CDK18: variants seen among roughly 807,000 people sequenced by gnomAD.
CDK18 encodes cyclin-dependent kinase 18.
CDK18 carries 52 observed loss-of-function variants against 62.0 expected under a neutral mutation model. The ratio of observed to expected loss-of-function variants is 0.84; its 90% confidence interval spans 0.67 to 1.06. CDK18 has a LOEUF of 1.06. Among genes scored for constraint, CDK18 ranks in the 50% least tolerant of loss-of-function variants. The pLI, the probability that CDK18 is intolerant of heterozygous loss-of-function variation, is 0.00. For missense variants in CDK18, 604 were observed against 619.9 expected (o/e 0.97, Z 0.27); for synonymous variants, 237 against 247.0 (o/e 0.96, Z 0.38).
At chr1:205,530,218 C>A (rs774347054) in intron 13 of CDK18, 41 bp from the exon 14 acceptor site, 1 of 1,604,950 alleles carries the variant, frequency 6.2e-7, no homozygotes. Flanking sequence ...GGGTTTGCAG[C>A]CCCCCAGCCG....
rs1668629264 is a variant in CDK18, at chr1:205,529,502, C to A, written c.1179-19C>A. The A allele has an allele frequency of 6.2e-7, 1 of 1,609,530 alleles. No individual in the cohort carries two copies. Among genetic ancestry groups the A allele is most frequent in the South Asian group, 1.1e-5 (1 of 90,534 alleles). On this transcript the variant is annotated intron_variant, in intron 12 of 15. Coordinates refer to ENST00000429964, the MANE Select transcript of CDK18 (RefSeq NM_212502.3). ...ATCCCCAATCAGGCACAGCCTGTGT[C>A]CGCGCCTTCTCCTTGCAGGTTGGAT... is the stretch of plus-strand genomic sequence containing the variant.
chr1:205,521,539 T>G (rs1489225238), intron 1 of CDK18, among the ~76,000 whole-genome samples: 1 of 152,042 alleles, frequency 6.6e-6, no homozygotes, highest in East Asian at 1.9e-4. Context: ...TGGAACTGAG[T>G]GAGACTTCAG....
intron 1 of CDK18, among the ~76,000 whole-genome samples, chr1:205,514,237 G>C (rs567115241): frequency 6.6e-6 from 1 of 152,356 alleles, no homozygotes; most frequent in East Asian, 1.9e-4. Flanking sequence ...TTTCGGGCTA[G>C]AGGAGATGCA....
At chr1:205,526,573 C>A in intron 7 of CDK18, 112 bp downstream of exon 7, 1 of 977,312 alleles carries the variant, frequency 1.0e-6, no homozygotes. Context: ...GCGACCCAGG[C>A]CTTGTTCTGG....
At chr1:205,505,321 A>G (rs756907187) in intron 1 of CDK18, among the ~76,000 whole-genome samples, 1 of 152,112 alleles carries the variant, frequency 6.6e-6, no homozygotes, top group Admixed American at 6.5e-5. Flanking sequence ...CCAGAGCGGC[A>G]GGCAGGGGGT....
chr1:205,519,796 G>A (rs1668023133), intron 1 of CDK18, among the ~76,000 whole-genome samples: 1 of 152,098 alleles, frequency 6.6e-6, no homozygotes, highest in African/African-American at 2.4e-5. Context: ...GAAATGGGGG[G>A]CCTCCTTCCC....
At chr1:205,522,577 G>A (rs573973999) in intron 1 of CDK18, 1 of 152,402 alleles carries the variant, frequency 6.6e-6, no homozygotes, top group South Asian at 2.1e-4. Context: ...TATCAGAGGT[G>A]AAATGAGGTT....
chr1:205,528,693 A>G lies in CDK18; in HGVS notation c.975-306A>G, dbSNP rs1668568127. 2.8e-6 allele frequency: 1 copy of G among 356,318 alleles called. No individual in the cohort carries two copies. The highest frequency in any genetic ancestry group is 2.1e-5 in the African/African-American group (1 of 47,932). 22.1% of individuals were successfully genotyped at this position (356,318 alleles called of 1,614,324 possible). ...CACACAGTGGAGAGAGTTTGAGACA[A>G]CACTGCTGAGAGAATTGCCACATGG... is the stretch of plus-strand genomic sequence containing the variant. On this transcript the variant is annotated intron_variant, in intron 10 of 15. Transcript: ENST00000429964. This position sits in a 1 kb window ranked among gnomAD's most constrained non-coding sequence, Gnocchi z 4.2.
intron 1 of CDK18, among the ~76,000 whole-genome samples, chr1:205,506,644 G>T (rs1003766748): frequency 1.3e-5 from 2 of 152,220 alleles, no homozygotes; most frequent in Non-Finnish European, 2.9e-5. Flanking sequence ...TCACACAGAG[G>T]TGGGATCCAG....
chr1:205,523,319 A>G, intron 2 of CDK18, 22 bp downstream of exon 2: 46 of 1,613,818 alleles, frequency 2.9e-5, no homozygotes, highest in Non-Finnish European at 3.9e-5. Flanking sequence ...GGGCCCACCC[A>G]GCACCTCTCC....
intron 1 of CDK18, among the ~76,000 whole-genome samples, chr1:205,509,273 G>T (rs1219618889): frequency 6.6e-6 from 1 of 152,102 alleles, no homozygotes; most frequent in East Asian, 1.9e-4. Flanking sequence ...CTCTTTCCTG[G>T]AGCTCTTGAT....
At chr1:205,511,256 A>C (rs1667554109) in intron 1 of CDK18, among the ~76,000 whole-genome samples, 1 of 152,236 alleles carries the variant, frequency 6.6e-6, no homozygotes, top group Admixed American at 6.5e-5. Flanking sequence ...GTTCATAGTA[A>C]AGTTTTACTG....
Position 205,528,116 on chromosome 1 carries a change from C to A in CDK18, c.922C>A (p.Pro308Thr), listed in dbSNP as rs887566634. 6.2e-7 allele frequency: 1 copy of A among 1,613,880 alleles called. No individual in the cohort carries two copies. The highest frequency in any genetic ancestry group is 8.5e-7 in the Non-Finnish European group (1 of 1,179,982). Residue 308 changes from proline to threonine, a missense_variant, in exon 10 of 16, where the codon CCC becomes ACC. By Grantham distance (38) the Pro-to-Thr change is conservative. Transcript: ENST00000429964. The surrounding 1 kb of genome is among the most constrained non-coding windows in gnomAD (Gnocchi z 4.2). Reference sequence around the variant, plus strand: ...TGAGGTGGTGACCCTGTGGTACAGGCCCCCCGATGTGCTGCTGGGATCCAC... The same window carrying A: ...TGAGGTGGTGACCCTGTGGTACAGGACCCCCGATGTGCTGCTGGGATCCAC... ...SNEVVTLWYR[P>T]PDVLLGSTEY...
chr1:205,507,694 C>G (rs957629255), intron 1 of CDK18, among the ~76,000 whole-genome samples: 3 of 142,210 alleles, frequency 2.1e-5, no homozygotes, highest in Admixed American at 7.1e-5. Context: ...GTAGCAGAGA[C>G]TAAATAACTG....
chr1:205,511,698 CAT>C (rs1217507722), intron 1 of CDK18, among the ~76,000 whole-genome samples: 13 of 152,152 alleles, frequency 8.5e-5, no homozygotes, highest in Admixed American at 1.3e-4. Flanking sequence ...GCCTGTGACA[CAT>C]GTGTATATCC....
At chr1:205,507,241 A>G (rs1297021248) in intron 1 of CDK18, among the ~76,000 whole-genome samples, 4 of 152,180 alleles carry the variant, frequency 2.6e-5, no homozygotes, top group East Asian at 1.9e-4. Context: ...GCTCCAGCAT[A>G]TAGTAGCTAT....
intron 13 of CDK18, 74 bp downstream of exon 13, chr1:205,529,637 C>T (rs1232467008): frequency 6.2e-7 from 1 of 1,610,270 alleles, no homozygotes; most frequent in Non-Finnish European, 8.5e-7. Flanking sequence ...GCCGGGCCTA[C>T]GCCCCAACTT....
At chr1:205,530,600 C>G (rs375977085) in intron 14 of CDK18, 28 bp from the exon 15 acceptor site, 1 of 1,608,054 alleles carries the variant, frequency 6.2e-7, no homozygotes, top group South Asian at 1.1e-5. Context: ...ACGCAGCCCT[C>G]TCCAGACTAT....
rs770759793 is a variant in CDK18, at chr1:205,527,889, G to A, written c.825G>A (p.Glu275=). The change falls in exon 9 of 16, where the codon GAG becomes GAA. Residue 275 remains glutamate (E), a synonymous_variant. Transcript: ENST00000429964. The surrounding 1 kb of genome is among the most constrained non-coding windows in gnomAD (Gnocchi z 4.1). ...DLKPQNLLIN[E]RGELKLADFG... is the part of the protein sequence containing the mutation. ...AGCCCCAGAACCTGCTCATCAACGAGAGGGGGGAGCTGAAGCTGGCCGACT... is the reference window on the plus strand; with the variant it reads ...AGCCCCAGAACCTGCTCATCAACGAAAGGGGGGAGCTGAAGCTGGCCGACT... The A allele has an allele frequency of 1.2e-6, 2 of 1,614,178 alleles. No homozygotes were observed. Among genetic ancestry groups the A allele is most frequent in the South Asian group, 2.2e-5 (2 of 91,078 alleles).
Sources: allele counts gnomAD v4.1 joint callset (sites outside exome capture counted in the v4.1 genomes callset), GRCh38; gene constraint gnomAD v4.1.1; non-coding constraint Gnocchi (gnomAD v3.1); transcripts MANE v1.5; gene names NCBI Gene and HGNC (gene_info 2026-07-23, HGNC 2026-07-21).